The following SMO variants were observed in gnomAD, a reference collection of about 807,000 sequenced individuals.
SMO encodes smoothened, frizzled class receptor.
SMO carries 40 observed loss-of-function variants against 81.6 expected under a neutral mutation model. The ratio of observed to expected loss-of-function variants is 0.49; its 90% confidence interval spans 0.38 to 0.64. The LOEUF (loss-of-function observed/expected upper bound fraction) is 0.64. SMO is among the 30% of genes least tolerant of loss of function. The pLI is 0.00. For synonymous variants in SMO, 434 were observed against 432.1 expected (o/e 1.00, Z -0.05); for missense variants, 916 against 1,061.1 (o/e 0.86, Z 1.90).
Position 129,209,377 on chromosome 7 carries a change from C to T in SMO, c.1446C>T (p.Arg482=), listed in dbSNP as rs751203118. The T allele has an allele frequency of 1.1e-5, 17 of 1,611,574 alleles. No individual in the cohort carries two copies. The highest frequency in any genetic ancestry group is 1.4e-5 in the Non-Finnish European group (16 of 1,177,738). ...YDFFNQAEWE[R]SFRDYVLCQA... Reference sequence around the variant, plus strand: ...TCTTCAACCAGGCTGAGTGGGAGCGCAGCTTCCGGGACTATGTGCTGTGAG... The same window carrying T: ...TCTTCAACCAGGCTGAGTGGGAGCGTAGCTTCCGGGACTATGTGCTGTGAG... The change falls in exon 8 of 12, where the codon CGC becomes CGT. Residue 482 remains arginine, a synonymous_variant. Transcript: ENST00000249373.
At chr7:129,205,135 C>A in intron 2 of SMO, 68 bp from the exon 3 acceptor site, 1 of 1,388,326 alleles carries the variant, frequency 7.2e-7, no homozygotes, top group Non-Finnish European at 1.0e-6. Flanking sequence ...TACCTAGATA[C>A]CTTTCCCTAA....
At position 129,212,270 on chromosome 7, in the gene SMO, G is replaced by T; in HGVS notation, c.2183G>T (p.Gly728Val). ...GGAGCTGGGGACTCTTGCCGACAGG[G>T]AGCGTGGACCCTGGTCTCCAACCCA... The part of the protein sequence containing the change: ...AWGAGDSCRQ[G>V]AWTLVSNPFC... The change falls in exon 12 of 12, where the codon GGA (glycine) becomes GTA (valine). Residue 728 changes from glycine to valine, a missense_variant. Physicochemically the swap from Gly to Val is moderately radical, Grantham distance 109. Coordinates refer to ENST00000249373, the MANE Select transcript of SMO (RefSeq NM_005631.5). This position sits in a 1 kb window ranked among gnomAD's most constrained non-coding sequence, Gnocchi z 5.0. 6.2e-7 allele frequency: 1 copy of T among 1,611,882 alleles called. No individual in the cohort carries two copies. Among genetic ancestry groups the T allele is most frequent in the Non-Finnish European group, 8.5e-7 (1 of 1,179,058 alleles).
chr7:129,209,244 G>A (rs368262305), intron 7 of SMO, 45 bp from the exon 8 acceptor site: 88 of 1,156,284 alleles, frequency 7.6e-5, no homozygotes, highest in Non-Finnish European at 1.0e-4. Context: ...CTGCTGCTGC[G>A]GGACTGGGCT....
rs2718106 is a variant in SMO, at chr7:129,198,426, A to G, written c.332-4958A>G. The stretch of plus-strand genomic sequence containing the variant: ...ATATCCAACATCTGTCCAGATGTAG[A>G]TGTGCTCTCAGTCTCTCCTCTACCG... On this transcript the variant is annotated intron_variant, in intron 1 of 11. Transcript: ENST00000249373. Among the ~76,000 whole-genome samples, 824 of 152,302 alleles carry G rather than the reference A, an allele frequency of 5.4e-3. 7 individuals carry two copies. Among genetic ancestry groups the G allele is most frequent in the African/African-American group, 0.019 (791 of 41,560 alleles).
At chr7:129,207,239 C>G (rs1455173524) in intron 6 of SMO, among the ~76,000 whole-genome samples, 1 of 152,174 alleles carries the variant, frequency 6.6e-6, no homozygotes, top group Non-Finnish European at 1.5e-5. Flanking sequence ...ACCTACTCTG[C>G]CCACTTGGAC....
intron 2 of SMO, 48 bp downstream of exon 2, chr7:129,203,637 C>A (rs369773238): frequency 6.8e-7 from 1 of 1,478,986 alleles, no homozygotes; most frequent in Non-Finnish European, 9.2e-7. Context: ...TTGGGCAGGA[C>A]CGGGTATAGG....
At chr7:129,194,111 C>T (rs1311658465) in intron 1 of SMO, among the ~76,000 whole-genome samples, 3 of 151,568 alleles carry the variant, frequency 2.0e-5, no homozygotes, top group African/African-American at 7.3e-5. Flanking sequence ...AAAATACATA[C>T]ATACATATAG....
intron 4 of SMO, 130 bp downstream of exon 4, chr7:129,205,912 G>A (rs2150649598): frequency 3.8e-6 from 3 of 789,948 alleles, no homozygotes; most frequent in Non-Finnish European, 6.0e-6. Context: ...ACTGCATACT[G>A]CATGCAAGAT....
rs941576034 is a variant in SMO at position 129,208,111 on chromosome 7, T to G, written c.1265-648T>G. ...ATTAGTTTTGCTTGTTTCTTTTAAC[T>G]TTTTTTAAGTGGCCACTAGAAATTT... On this transcript the variant is annotated intron_variant, in intron 6 of 11. Transcript: ENST00000249373. The surrounding 1 kb of genome is among the most constrained non-coding windows in gnomAD (Gnocchi z 5.2). Among the ~76,000 whole-genome samples, 3 of 152,104 alleles carry G rather than the reference T, an allele frequency of 2.0e-5. No homozygotes were observed. Among genetic ancestry groups the G allele is most frequent in the Admixed American group, 6.6e-5 (1 of 15,254 alleles).
At chr7:129,207,541 C>T (rs1050503714) in intron 6 of SMO, among the ~76,000 whole-genome samples, 1 of 152,138 alleles carries the variant, frequency 6.6e-6, no homozygotes, top group Admixed American at 6.6e-5. Flanking sequence ...GTGTCTGGCC[C>T]TCTGATTTGT....
rs1290030953 is a variant in SMO, at chr7:129,211,813, G to A, written c.1936+43G>A. 6.2e-7 allele frequency: 1 copy of A among 1,612,182 alleles called. No homozygotes were observed. Among genetic ancestry groups the A allele is most frequent in the Admixed American group, 1.7e-5 (1 of 60,008 alleles). On this transcript the variant is annotated intron_variant, in intron 11 of 11. Transcript: ENST00000249373. This position sits in a 1 kb window ranked among gnomAD's most constrained non-coding sequence, Gnocchi z 4.6. ...TCTGGAGGAAGGTGGGGGGAGCACA[G>A]AGGCTGGGGGCTTCTGGGACTGGAG...
chr7:129,212,011 C>T lies in SMO; in HGVS notation c.1937-13C>T, dbSNP rs768137647. On this transcript the variant is annotated splice_polypyrimidine_tract_variant and intron_variant, in intron 11 of 11. Coordinates refer to ENST00000249373, the MANE Select transcript of SMO (RefSeq NM_005631.5). This position sits in a 1 kb window ranked among gnomAD's most constrained non-coding sequence, Gnocchi z 5.0. The stretch of plus-strand genomic sequence containing the variant: ...CCAGGGCCCCAGGCTCGTGTTGTCT[C>T]TCCTCCTGTCAGTGCCCCCAGAGGA... 1 of 1,571,872 alleles carries T rather than the reference C, an allele frequency of 6.4e-7. No individual in the cohort carries two copies. The highest frequency in any genetic ancestry group is 8.6e-7 in the Non-Finnish European group (1 of 1,165,876).
Position 129,210,504 on chromosome 7 carries a change from C to G in SMO, c.1608C>G (p.Val536=), listed in dbSNP as rs2150653947. The change falls in exon 9 of 12, where the codon GTC becomes GTG. Residue 536 remains valine, a synonymous_variant. Transcript: ENST00000249373. The surrounding 1 kb of genome is among the most constrained non-coding windows in gnomAD (Gnocchi z 4.7). The stretch of plus-strand genomic sequence containing the variant: ...CTGGCATCGCCATGAGCACCTGGGT[C>G]TGGACCAAGGCCACGCTGCTCATCT... The part of the protein sequence containing the change: ...FGTGIAMSTW[V]WTKATLLIWR... 1.9e-6 allele frequency: 3 copies of G among 1,614,210 alleles called. No individual in the cohort carries two copies. The highest frequency in any genetic ancestry group is 2.5e-6 in the Non-Finnish European group (3 of 1,180,032).
chr7:129,196,184 G>A lies in SMO; in HGVS notation c.331+6702G>A, dbSNP rs144125061. Among the ~76,000 whole-genome samples the A allele has an allele frequency of 1.7e-3, 256 of 151,648 alleles. 1 individual carries two copies. The highest frequency in any genetic ancestry group is 5.8e-3 in the African/African-American group (238 of 41,384). On this transcript the variant is annotated intron_variant, in intron 1 of 11. Transcript: ENST00000249373. Reference sequence around the variant, plus strand: ...TGCTTACATTCATAATTGGAGGAAGGGCCAAATTTTAGTTAGGTGTAATTT... The same window carrying A: ...TGCTTACATTCATAATTGGAGGAAGAGCCAAATTTTAGTTAGGTGTAATTT...
rs2150648364 is a variant in SMO, at chr7:129,205,328, C to T, written c.663C>T (p.Leu221=). Reference sequence around the variant, plus strand: ...GCGGCATCCAGTGCCAGAACCCGCTCTTCACAGAGGCTGAGCACCAGGACA... The same window carrying T: ...GCGGCATCCAGTGCCAGAACCCGCTTTTCACAGAGGCTGAGCACCAGGACA... ...EGCGIQCQNP[L]FTEAEHQDMH... Residue 221 remains leucine, a synonymous_variant, in exon 3 of 12, where the codon CTC becomes CTT. Coordinates refer to ENST00000249373, the MANE Select transcript of SMO (RefSeq NM_005631.5). 1 of 1,614,144 alleles carries T rather than the reference C, an allele frequency of 6.2e-7. No homozygotes were observed. Among genetic ancestry groups the T allele is most frequent in the Non-Finnish European group, 8.5e-7 (1 of 1,180,000 alleles).
At position 129,200,380 on chromosome 7, in the gene SMO, T is replaced by C. The variant is rs183537783; in HGVS notation, c.332-3004T>C. 3.4e-3 allele frequency among the ~76,000 whole-genome samples: 514 copies of C among 152,158 alleles called. 4 individuals are homozygous for C. Among genetic ancestry groups the C allele is most frequent in the African/African-American group, 0.012 (485 of 41,530 alleles). ...AGCTCGCAGTGAGCCGAGATCACATTACTGCACTCCAGCCTGGGCGACAGA... is the reference window on the plus strand; with the variant it reads ...AGCTCGCAGTGAGCCGAGATCACATCACTGCACTCCAGCCTGGGCGACAGA... On this transcript the variant is annotated intron_variant, in intron 1 of 11. Coordinates refer to ENST00000249373, the MANE Select transcript of SMO (RefSeq NM_005631.5).
chr7:129,202,497 C>G (rs1311241328), intron 1 of SMO, among the ~76,000 whole-genome samples: 1 of 152,178 alleles, frequency 6.6e-6, no homozygotes, highest in Non-Finnish European at 1.5e-5. Flanking sequence ...ATTGCTGAAG[C>G]AGGGTTGATT....
chr7:129,205,360 G>A lies in SMO; in HGVS notation c.695G>A (p.Ser232Asn), dbSNP rs2150648442. 1 of 1,613,690 alleles carries A rather than the reference G, an allele frequency of 6.2e-7. No individual in the cohort carries two copies. The highest frequency in any genetic ancestry group is 8.5e-7 in the Non-Finnish European group (1 of 1,179,820). ...GAGGCTGAGCACCAGGACATGCACA[G>A]CTACATCGCGGCCTTCGGGGCCGTC... Reference protein sequence around the residue: ...FTEAEHQDMHSYIAAFGAVTG... With the variant: ...FTEAEHQDMHNYIAAFGAVTG... The change falls in exon 3 of 12, where the codon AGC becomes AAC. Residue 232 changes from serine (S) to asparagine (N), a missense_variant. By Grantham distance (46) the Ser-to-Asn change is conservative. Transcript: ENST00000249373.
Position 129,205,786 on chromosome 7 carries a change from GGT to G in SMO, c.920+7_920+8del. The G allele has an allele frequency of 6.2e-7, 1 of 1,601,194 alleles. No individual in the cohort carries two copies. On this transcript the variant is annotated splice_donor_5th_base_variant and intron_variant, in intron 4 of 11. Coordinates refer to ENST00000249373, the MANE Select transcript of SMO (RefSeq NM_005631.5). ...CCATGAGGCTTGGGGAGCCCACGTA[GGT>G]GTCTTGGGGACCCAGAGGTGAAGGT...
Sources: allele counts gnomAD v4.1 joint callset (sites outside exome capture counted in the v4.1 genomes callset), GRCh38; gene constraint gnomAD v4.1.1; non-coding constraint Gnocchi (gnomAD v3.1); transcripts MANE v1.5; gene names NCBI Gene and HGNC (gene_info 2026-07-23, HGNC 2026-07-21).